PDE4D: variants seen among roughly 807,000 people sequenced by gnomAD.
The protein encoded by PDE4D is phosphodiesterase 4D.
In PDE4D, 24 loss-of-function variants were observed where a neutral mutation model predicts 87.4. That is an observed-to-expected ratio of 0.27 (90% confidence interval 0.20 to 0.39). The LOEUF is 0.39. Ranked by LOEUF, PDE4D falls within the 10% of genes least tolerant of loss-of-function variation. The pLI is 1.00. For missense variants in PDE4D, 714 were observed against 1,041.0 expected, an observed-to-expected ratio of 0.69 and a Z score of 4.32; for synonymous variants, 384 against 383.2, an observed-to-expected ratio of 1.00 and a Z score of -0.02.
chr5:59,414,911 A>G (rs547355057), intron 1 of PDE4D, among the ~76,000 whole-genome samples: 30 of 152,314 alleles, frequency 2.0e-4, no homozygotes, highest in Non-Finnish European at 3.7e-4. Context: ...CACAGAGGAC[A>G]TGGATTTATG....
intron 5 of PDE4D, among the ~76,000 whole-genome samples, chr5:59,052,533 A>G (rs1028510704): frequency 1.3e-5 from 2 of 152,188 alleles, no homozygotes; most frequent in African/African-American, 4.8e-5. Context: ...CTAAGGAGCT[A>G]TTGTGGTAGT....
At chr5:59,250,562 T>C (rs1316457359) in intron 1 of PDE4D, among the ~76,000 whole-genome samples, 1 of 151,670 alleles carries the variant, frequency 6.6e-6, no homozygotes, top group African/African-American at 2.4e-5. Flanking sequence ...TGAATATAAA[T>C]ATTTTGTAGA....
intron 1 of PDE4D, among the ~76,000 whole-genome samples, chr5:59,795,580 A>G (rs1581147792): frequency 1.3e-5 from 2 of 152,216 alleles, no homozygotes; most frequent in Admixed American, 6.5e-5. Context: ...TACTTCTACT[A>G]TATATACTTG....
chr5:60,462,191 A>G (rs1429340664), intron 1 of PDE4D, among the ~76,000 whole-genome samples: 3 of 152,076 alleles, frequency 2.0e-5, no homozygotes, highest in Non-Finnish European at 4.4e-5. Context: ...CCAAGTACTC[A>G]TGACCCTTGA....
At position 59,006,696 on chromosome 5, in the gene PDE4D, A is replaced by T. The variant is rs1360457310; in HGVS notation, c.922-13231T>A. Reference sequence around the variant, plus strand: ...CTTCCCTGCTATTCCTTGTTTTCTCAGTCCTTACCAGATACCCAAGCAATT... The same window carrying T: ...CTTCCCTGCTATTCCTTGTTTTCTCTGTCCTTACCAGATACCCAAGCAATT... On this transcript the variant is annotated intron_variant, in intron 6 of 14. Transcript: ENST00000340635. Among the ~76,000 whole-genome samples, 4 of 152,286 alleles carry T rather than the reference A, an allele frequency of 2.6e-5. No individual in the cohort carries two copies. The East Asian group carries it at 7.7e-4, about 29-fold the overall frequency.
intron 5 of PDE4D, among the ~76,000 whole-genome samples, chr5:59,082,737 A>G (rs1365767093): frequency 6.6e-6 from 1 of 150,850 alleles, no homozygotes; most frequent in Non-Finnish European, 1.5e-5. Flanking sequence ...TAAAGATATC[A>G]AGTCTTAGAT....
intron 5 of PDE4D, among the ~76,000 whole-genome samples, chr5:59,040,992 G>T (rs1391950849): frequency 6.6e-6 from 1 of 152,080 alleles, no homozygotes; most frequent in Non-Finnish European, 1.5e-5. Context: ...AAGAATACTT[G>T]AACTATTTAC....
chr5:60,241,750 A>C (rs983486967), intron 1 of PDE4D, among the ~76,000 whole-genome samples: 6 of 152,092 alleles, frequency 3.9e-5, no homozygotes, highest in African/African-American at 1.4e-4. Context: ...ATTCAAAGGG[A>C]TCATAACAAA....
At chr5:59,966,587 T>C (rs944380102) in intron 3 of PDE4D, among the ~76,000 whole-genome samples, 1 of 152,202 alleles carries the variant, frequency 6.6e-6, no homozygotes, top group African/African-American at 2.4e-5. Context: ...ATTTTCCAGA[T>C]GAAAAATGTC....
chr5:59,333,334 A>T (rs144581817), intron 1 of PDE4D, among the ~76,000 whole-genome samples: 43 of 152,076 alleles, frequency 2.8e-4, no homozygotes, highest in African/African-American at 7.7e-4. Flanking sequence ...TATTTTCTGG[A>T]TATATCGAGA....
chr5:59,668,814 AAG>A (rs1265742737), intron 1 of PDE4D, among the ~76,000 whole-genome samples: 4 of 89,380 alleles, frequency 4.5e-5, no homozygotes, highest in African/African-American at 2.4e-4. Flanking sequence ...AAAGAAGAAG[AAG>A]AAGAAGAAGA....
chr5:60,191,943 T>C (rs1324910624), intron 1 of PDE4D, among the ~76,000 whole-genome samples: 1 of 152,122 alleles, frequency 6.6e-6, no homozygotes, highest in African/African-American at 2.4e-5. Flanking sequence ...GAGGTTGCAG[T>C]GAGCTGAGAT....
At chr5:60,266,950 A>T (rs1477363105) in intron 1 of PDE4D, among the ~76,000 whole-genome samples, 3 of 152,206 alleles carry the variant, frequency 2.0e-5, no homozygotes, top group Non-Finnish European at 2.9e-5. Context: ...CACGTGTATT[A>T]TCCCAAACCC....
rs80125416 is a variant in PDE4D, at chr5:59,730,790, C to A, written c.455+162378G>T. 6.3e-3 allele frequency among the ~76,000 whole-genome samples: 957 copies of A among 152,154 alleles called. 10 individuals are homozygous for A. Among genetic ancestry groups the A allele is most frequent in the Non-Finnish European group, 9.4e-3 (642 of 67,982 alleles). On this transcript the variant is annotated intron_variant, in intron 1 of 14. Coordinates refer to ENST00000340635, the MANE Select transcript of PDE4D (RefSeq NM_001104631.2). ...TAGACTTTGTGTGACTAACCCCAGA[C>A]TATTTGTCTATTTTAATAAAAGGAG... is the stretch of plus-strand genomic sequence containing the variant.
At chr5:59,514,184 C>T (rs1281420983) in intron 1 of PDE4D, among the ~76,000 whole-genome samples, 1 of 151,478 alleles carries the variant, frequency 6.6e-6, no homozygotes, top group Non-Finnish European at 1.5e-5. Flanking sequence ...CGGCTCACTG[C>T]ATGCTCCGCC....
At chr5:59,557,019 T>TA (rs1248773414) in intron 1 of PDE4D, among the ~76,000 whole-genome samples, 2 of 152,178 alleles carry the variant, frequency 1.3e-5, no homozygotes, top group African/African-American at 2.4e-5. Flanking sequence ...ATGCCATCTC[T>TA]AAAAATCCTT....
intron 3 of PDE4D, among the ~76,000 whole-genome samples, chr5:59,903,737 C>G (rs942833956): frequency 5.3e-5 from 8 of 152,100 alleles, no homozygotes; most frequent in African/African-American, 1.9e-4. Context: ...ACACAGACAG[C>G]AAGGGCAAAG....
At chr5:59,977,679 A>G (rs75503985) in intron 3 of PDE4D, among the ~76,000 whole-genome samples, 1,911 of 152,334 alleles carry the variant, frequency 0.013, 23 homozygotes, top group Non-Finnish European at 0.02. Context: ...GCACTACACT[A>G]AACAACAGAT....
rs184878208 is a variant in PDE4D, at chr5:59,998,400, G to C, written c.43-9683C>G. Among the ~76,000 whole-genome samples the C allele has an allele frequency of 2.9e-3, 438 of 152,180 alleles. 3 individuals are homozygous for C. Among genetic ancestry groups the C allele is most frequent in the Non-Finnish European group, 4.6e-3 (311 of 67,982 alleles). On this transcript the variant is annotated intron_variant, in intron 2 of 16. Coordinates refer to the PDE4D transcript ENST00000502484. ...TCAGGTAAGTTTGTCCAGTTTTAAA[G>C]TAAAATATGCAAAAGGCTTTTATTT...
Sources: allele counts gnomAD v4.1 joint callset (sites outside exome capture counted in the v4.1 genomes callset), GRCh38; gene constraint gnomAD v4.1.1; transcripts MANE v1.5; gene names NCBI Gene and HGNC (gene_info 2026-07-23, HGNC 2026-07-21).